Variants in SYT7 observed in about 807,000 individuals in gnomAD.
SYT7 encodes the protein synaptotagmin-7.
In SYT7, 29 loss-of-function variants were observed where a neutral mutation model predicts 75.1. That is an observed-to-expected ratio of 0.39 (90% CI 0.29 to 0.53). SYT7 has a LOEUF of 0.53. Ranked by LOEUF, SYT7 falls within the 20% of genes least tolerant of loss-of-function variation. The pLI, the probability that SYT7 is intolerant of heterozygous loss-of-function variation, is 0.77. For missense variants in SYT7, 693 were observed against 953.2 expected (o/e 0.73, Z 3.59); for synonymous variants, 376 against 401.7 (o/e 0.94, Z 0.76).
chr11:61,547,451 GAAGA>G, intron 3 of SYT7, 143 bp from the exon 4 acceptor site: 1 of 945,662 alleles, frequency 1.1e-6, no homozygotes. Context: ...CCTGCGGGAG[GAAGA>G]AAGGCAGGCG....
chr11:61,551,539 A>G lies in SYT7; in HGVS notation c.136-76T>C. 6 of 1,464,130 alleles carry G rather than the reference A, an allele frequency of 4.1e-6. No individual in the cohort carries two copies. In the South Asian group the frequency reaches 6.9e-5, roughly 17 times the overall value. 90.7% of individuals were successfully genotyped at this position (1,464,130 alleles called of 1,614,324 possible). On this transcript the variant is annotated intron_variant, in intron 2 of 12. Transcript: ENST00000539008. This position sits in a 1 kb window ranked among gnomAD's most constrained non-coding sequence, Gnocchi z 5.3. ...CTACCTCCCCAGAACAGGGACCCGG[A>G]GGGGAAGGAGATAGACTGGAGTCGG...
At chr11:61,520,360 C>CA (rs34534287) in intron 12 of SYT7, among the ~76,000 whole-genome samples, 8 of 151,754 alleles carry the variant, frequency 5.3e-5, no homozygotes, top group Non-Finnish European at 1.2e-4. Context: ...CTCATCTTTA[C>CA]AAAAAATACA....
intron 8 of SYT7, 77 bp downstream of exon 8, chr11:61,532,912 C>T (rs2062752954): frequency 3.8e-6 from 6 of 1,583,268 alleles, no homozygotes; most frequent in Non-Finnish European, 5.1e-6. Flanking sequence ...TAATCATTCC[C>T]ACACACATCC....
intron 12 of SYT7, among the ~76,000 whole-genome samples, chr11:61,519,800 C>T (rs566908085): frequency 8.5e-5 from 13 of 152,192 alleles, no homozygotes; most frequent in African/African-American, 2.9e-4. Context: ...TAAAATTATT[C>T]AAAAATAGTG....
chr11:61,568,725 C>T (rs1313302009), intron 1 of SYT7, among the ~76,000 whole-genome samples: 10 of 152,244 alleles, frequency 6.6e-5, no homozygotes, highest in African/African-American at 2.2e-4. Flanking sequence ...CAGCCCCCCA[C>T]CATCCTCACC....
At position 61,553,824 on chromosome 11, in the gene SYT7, C is replaced by T. The variant is rs190448141; in HGVS notation, c.135+2280G>A. Among the ~76,000 whole-genome samples the T allele has an allele frequency of 5.9e-5, 9 of 152,064 alleles. No homozygotes were observed. The highest frequency in any genetic ancestry group is 4.2e-4 in the South Asian group (2 of 4,818). On this transcript the variant is annotated intron_variant, in intron 2 of 12. Coordinates refer to ENST00000539008, the MANE Select transcript of SYT7 (RefSeq NM_001365809.2). This position sits in a 1 kb window ranked among gnomAD's most constrained non-coding sequence, Gnocchi z 5.2. ...TGGGATCTGGGCTGTCAGGGTATCACGTCACTGCTGCTGAGGGGACAGGCA... is the reference window on the plus strand; with the variant it reads ...TGGGATCTGGGCTGTCAGGGTATCATGTCACTGCTGCTGAGGGGACAGGCA...
rs2062456715 is a variant in SYT7, at chr11:61,524,655, C to T, written c.1472-123G>A. ...GCCCTCCCGCTGCCACCCCACCGGG[C>T]CAGCAGGCACACCGGATTGCAATTA... On this transcript the variant is annotated intron_variant, in intron 9 of 12. Transcript: ENST00000539008. The surrounding 1 kb of genome is among the most constrained non-coding windows in gnomAD (Gnocchi z 4.1). 1 of 892,032 alleles carries T rather than the reference C, an allele frequency of 1.1e-6. No individual in the cohort carries two copies. Among genetic ancestry groups the T allele is most frequent in the East Asian group, 2.6e-5 (1 of 38,086 alleles). The allele number at this position is 892,032 out of a possible 1,614,324, so 55.3% of individuals were successfully genotyped here.
chr11:61,580,081 A>G lies in SYT7; in HGVS notation c.31+709T>C, dbSNP rs921895869. Reference sequence around the variant, plus strand: ...CCACTCCCCTGGCGGGCGAAGCAGAAGGCAAAGGAGTTCGGCCCTCCCCCA... The same window carrying G: ...CCACTCCCCTGGCGGGCGAAGCAGAGGGCAAAGGAGTTCGGCCCTCCCCCA... On this transcript the variant is annotated intron_variant, in intron 1 of 12. Transcript: ENST00000539008. This position sits in a 1 kb window ranked among gnomAD's most constrained non-coding sequence, Gnocchi z 6.1. Among the ~76,000 whole-genome samples, 1 of 152,144 alleles carries G rather than the reference A, an allele frequency of 6.6e-6. No individual in the cohort carries two copies. The highest frequency in any genetic ancestry group is 1.5e-5 in the Non-Finnish European group (1 of 68,006).
rs2064211131 is a variant in SYT7, at chr11:61,580,168, T to C, written c.31+622A>G. ...CCCCTCCCCAAACCTAGGAGAACATTCTCTTGGCACCCCCATTCTCATGAG... is the reference window on the plus strand; with the variant it reads ...CCCCTCCCCAAACCTAGGAGAACATCCTCTTGGCACCCCCATTCTCATGAG... On this transcript the variant is annotated intron_variant, in intron 1 of 12. Coordinates refer to ENST00000539008, the MANE Select transcript of SYT7 (RefSeq NM_001365809.2). This position sits in a 1 kb window ranked among gnomAD's most constrained non-coding sequence, Gnocchi z 6.1. Among the ~76,000 whole-genome samples, 1 of 150,082 alleles carries C rather than the reference T, an allele frequency of 6.7e-6. No homozygotes were observed. Among genetic ancestry groups the C allele is most frequent in the South Asian group, 2.1e-4 (1 of 4,768 alleles).
At chr11:61,541,204 C>T (rs1247071127) in intron 6 of SYT7, 2 of 985,608 alleles carry the variant, frequency 2.0e-6, no homozygotes, top group African/African-American at 1.7e-5. Flanking sequence ...CTTTCCTCCT[C>T]CCTTTCTCCT....
intron 3 of SYT7, 33 bp from the exon 4 acceptor site, chr11:61,547,341 G>A (rs1300706333): frequency 1.3e-6 from 2 of 1,533,870 alleles, no homozygotes; most frequent in Admixed American, 2.0e-5. Flanking sequence ...GAGAAAACAG[G>A]GAGATACAAG....
chr11:61,521,032 G>A (rs1336021071), intron 12 of SYT7, among the ~76,000 whole-genome samples: 1 of 152,220 alleles, frequency 6.6e-6, no homozygotes, highest in Non-Finnish European at 1.5e-5. Context: ...CTCAGCCAGC[G>A]GCTCCATCCT....
chr11:61,533,318 G>A (rs2062767740), intron 7 of SYT7, 194 bp from the exon 8 acceptor site: 1 of 985,330 alleles, frequency 1.0e-6, no homozygotes, highest in South Asian at 4.7e-5. Flanking sequence ...CATTCTCCTT[G>A]CAGCCTCTAC....
chr11:61,551,493 G>T lies in SYT7; in HGVS notation c.136-30C>A. On this transcript the variant is annotated intron_variant, in intron 2 of 12. Coordinates refer to ENST00000539008, the MANE Select transcript of SYT7 (RefSeq NM_001365809.2). The surrounding 1 kb of genome is among the most constrained non-coding windows in gnomAD (Gnocchi z 5.3). ...GGAGATAGCACTAGGATCACTCCTGGGGAACAGGACTGTACCCTCCCTACC... is the reference window on the plus strand; with the variant it reads ...GGAGATAGCACTAGGATCACTCCTGTGGAACAGGACTGTACCCTCCCTACC... 6.2e-7 allele frequency: 1 copy of T among 1,608,228 alleles called. No individual in the cohort carries two copies.
In SYT7 at chr11:61,542,108, G is replaced by C. The variant is rs2063058617; in HGVS notation, c.941+103C>G. On this transcript the variant is annotated intron_variant, in intron 6 of 12. Transcript: ENST00000539008. The surrounding 1 kb of genome is among the most constrained non-coding windows in gnomAD (Gnocchi z 7.8). Reference sequence around the variant, plus strand: ...TGCTTGGCACCCTGCCAAGGGGATGGAGGGCCGGGAGGTACACACAACCAG... The same window carrying C: ...TGCTTGGCACCCTGCCAAGGGGATGCAGGGCCGGGAGGTACACACAACCAG... The C allele has an allele frequency of 7.1e-7, 1 of 1,414,502 alleles. No homozygotes were observed. The highest frequency in any genetic ancestry group is 2.5e-5 in the Admixed American group (1 of 39,350). The allele number at this position is 1,414,502 out of a possible 1,614,324, so 87.6% of individuals were successfully genotyped here. A position where few individuals can be genotyped will look rare whatever the true frequency, so the allele number is the denominator to read the frequency against.
At chr11:61,575,876 TC>T (rs2064060062) in intron 1 of SYT7, among the ~76,000 whole-genome samples, 1 of 152,124 alleles carries the variant, frequency 6.6e-6, no homozygotes, top group Non-Finnish European at 1.5e-5. Flanking sequence ...ACAGTGCCTC[TC>T]CCCCTGCCTC....
In SYT7 at chr11:61,580,969, C is replaced by G. The variant is rs2064249900; in HGVS notation, c.-149G>C. On this transcript the variant is annotated 5_prime_UTR_variant, in exon 1 of 13. Transcript: ENST00000539008. The surrounding 1 kb of genome is among the most constrained non-coding windows in gnomAD (Gnocchi z 6.1). ...AGCGGGCTGCACCTAGCCGCGGAGC[C>G]GGGGAGCGGGGGCCGCCCGCCAGCC... The G allele has an allele frequency of 2.0e-6, 2 of 981,204 alleles. No homozygotes were observed. The highest frequency in any genetic ancestry group is 1.8e-5 in the African/African-American group (1 of 56,656). 60.8% of individuals were successfully genotyped at this position (981,204 alleles called of 1,614,324 possible). A position where few individuals can be genotyped will look rare whatever the true frequency, so the allele number is the denominator to read the frequency against.
Position 61,514,734 on chromosome 11 carries a change from C to T in SYT7, c.*3893G>A, listed in dbSNP as rs966000524. Among the ~76,000 whole-genome samples the T allele has an allele frequency of 6.6e-6, 1 of 152,228 alleles. No individual in the cohort carries two copies. The highest frequency in any genetic ancestry group is 1.5e-5 in the Non-Finnish European group (1 of 68,038). ...ACAACCCAGCTTCCCACACCTCAGG[C>T]TGGAACCTGTTCTATTGAGTGGAAG... On this transcript the variant is annotated 3_prime_UTR_variant, in exon 13 of 13. Transcript: ENST00000539008.
At position 61,515,307 on chromosome 11, in the gene SYT7, A is replaced by C. The variant is rs1446983590; in HGVS notation, c.*3320T>G. On this transcript the variant is annotated 3_prime_UTR_variant, in exon 13 of 13. Coordinates refer to ENST00000539008, the MANE Select transcript of SYT7 (RefSeq NM_001365809.2). ...CTGGGACCCACGGAGGAAACAGCCA[A>C]GGCCCTACTTTTTCACGATCCTTTA... 2 of 152,252 alleles carry C rather than the reference A, an allele frequency of 1.3e-5. No homozygotes were observed. The highest frequency in any genetic ancestry group is 2.4e-5 in the African/African-American group (1 of 41,454). The allele number at this position is 152,252 out of a possible 1,614,324, so 9.4% of individuals were successfully genotyped here. A position where few individuals can be genotyped will look rare whatever the true frequency, so the allele number is the denominator to read the frequency against.
Sources: allele counts gnomAD v4.1 joint callset (sites outside exome capture counted in the v4.1 genomes callset), GRCh38; gene constraint gnomAD v4.1.1; non-coding constraint Gnocchi (gnomAD v3.1); transcripts MANE v1.5; gene names NCBI Gene and HGNC (gene_info 2026-07-23, HGNC 2026-07-21).